The following MAP3K10 variants were observed in gnomAD, a reference collection of about 807,000 sequenced individuals.
The protein encoded by MAP3K10 is mitogen-activated protein kinase kinase kinase 10.
In MAP3K10, 22 loss-of-function variants were observed where a neutral mutation model predicts 75.0. The observed-to-expected ratio is 0.29, with a 90% confidence interval of 0.21 to 0.42. The LOEUF is 0.42. Ranked by LOEUF, MAP3K10 falls within the 10% of genes least tolerant of loss-of-function variation. The pLI is 1.00. For missense variants in MAP3K10, 1,165 were observed against 1,379.8 expected, an observed-to-expected ratio of 0.84 and a Z score of 2.47; for synonymous variants, 599 against 612.9, an observed-to-expected ratio of 0.98 and a Z score of 0.34.
At position 40,212,117 on chromosome 19, in the gene MAP3K10, C is replaced by T. The variant is rs1165591687; in HGVS notation, c.1553-688C>T. Among the ~76,000 whole-genome samples the T allele has an allele frequency of 6.6e-6, 1 of 152,158 alleles. No individual in the cohort carries two copies. Among genetic ancestry groups the T allele is most frequent in the Non-Finnish European group, 1.5e-5 (1 of 68,016 alleles). ...ATCAAATTGACCTTTTTCCCTCTGG[C>T]TGCTGTAAGAAATAAAGGTGGAGAA... On this transcript the variant is annotated intron_variant, in intron 6 of 9. Coordinates refer to ENST00000253055, the MANE Select transcript of MAP3K10 (RefSeq NM_002446.4). The surrounding 1 kb of genome is among the most constrained non-coding windows in gnomAD (Gnocchi z 4.2).
chr19:40,200,166 G>A (rs1423930925), intron 2 of MAP3K10, among the ~76,000 whole-genome samples: 2 of 152,240 alleles, frequency 1.3e-5, no homozygotes, highest in Non-Finnish European at 1.5e-5. Context: ...AGGCATGGTG[G>A]TGGGTGCCTG....
At position 40,191,996 on chromosome 19, in the gene MAP3K10, G is replaced by A. The variant is rs1972823462; in HGVS notation, c.-36G>A. 6.0e-6 allele frequency: 8 copies of A among 1,342,504 alleles called. No individual in the cohort carries two copies. Among genetic ancestry groups the A allele is most frequent in the Non-Finnish European group, 6.8e-6 (7 of 1,030,868 alleles). The allele number at this position is 1,342,504 out of a possible 1,614,324, so 83.2% of individuals were successfully genotyped here. On this transcript the variant is annotated 5_prime_UTR_variant, in exon 1 of 10. In the 5' UTR this introduces an upstream ATG that the reference lacks. Transcript: ENST00000253055. The stretch of plus-strand genomic sequence containing the variant: ...CCTCTGCATCCCGCGGGCAGCCTGT[G>A]TGAAGCGGCCTCCCGCAGCCCCCGG...
At position 40,192,704 on chromosome 19, in the gene MAP3K10, T is replaced by C; in HGVS notation, c.673T>C (p.Ser225Pro). ...GCCCATCATCCACCGGGACCTCAAG[T>C]CCATCAACAGTAAGTGGTGTCCTCT... is the stretch of plus-strand genomic sequence containing the variant. ...PVPIIHRDLKSINILILEAIE... is the reference protein window; with the variant it reads ...PVPIIHRDLKPINILILEAIE... Residue 225 changes from serine to proline, a missense_variant, in exon 1 of 10, where the codon TCC (serine) becomes CCC (proline). Ser to Pro is a moderately conservative substitution (Grantham distance 74). This residue lies in a region of MAP3K10 where 575 missense variants were observed against 793.2 expected (regional missense o/e 0.72). Coordinates refer to ENST00000253055, the MANE Select transcript of MAP3K10 (RefSeq NM_002446.4). The surrounding 1 kb of genome is among the most constrained non-coding windows in gnomAD (Gnocchi z 7.1). The C allele has an allele frequency of 6.5e-7, 1 of 1,541,136 alleles. No individual in the cohort carries two copies. Among genetic ancestry groups the C allele is most frequent in the Non-Finnish European group, 8.8e-7 (1 of 1,142,782 alleles).
At chr19:40,208,362 T>TTTTTTTTTTTTTTTA (rs1568492151) in intron 5 of MAP3K10, among the ~76,000 whole-genome samples, 2 of 116,356 alleles carry the variant, frequency 1.7e-5, no homozygotes, top group African/African-American at 7.0e-5. Flanking sequence ...TTTTTTTTTT[T>TTTTTTTTTTTTTTTA]TTTTTTTGTA....
chr19:40,195,497 TTTTTTTTTTTTG>T (rs1288981501), intron 1 of MAP3K10, among the ~76,000 whole-genome samples: 1 of 95,842 alleles, frequency 1.0e-5, no homozygotes, highest in Non-Finnish European at 2.0e-5. Flanking sequence ...TTTTTTTTTT[TTTTTTTTTTTTG>T]AGACAGAGTC....
chr19:40,197,486 C>T (rs773401854), intron 1 of MAP3K10, among the ~76,000 whole-genome samples: 4 of 152,036 alleles, frequency 2.6e-5, no homozygotes, highest in Non-Finnish European at 4.4e-5. Flanking sequence ...CCATGATGCT[C>T]GGCTAATTTT....
At position 40,198,355 on chromosome 19, in the gene MAP3K10, C is replaced by T; in HGVS notation, c.683-20C>T. On this transcript the variant is annotated intron_variant, in intron 1 of 9. Transcript: ENST00000253055. This position sits in a 1 kb window ranked among gnomAD's most constrained non-coding sequence, Gnocchi z 4.3. ...GGCGTGGCAGGTCTGGGGTGACCCACCTTTCTTCCCACCCCACAGTCCTGA... is the reference window on the plus strand; with the variant it reads ...GGCGTGGCAGGTCTGGGGTGACCCATCTTTCTTCCCACCCCACAGTCCTGA... 1 of 1,599,554 alleles carries T rather than the reference C, an allele frequency of 6.3e-7. No individual in the cohort carries two copies. The highest frequency in any genetic ancestry group is 8.5e-7 in the Non-Finnish European group (1 of 1,171,288).
chr19:40,202,362 T>G (rs1973042543), intron 2 of MAP3K10, among the ~76,000 whole-genome samples: 1 of 152,178 alleles, frequency 6.6e-6, no homozygotes. Context: ...CCATGTTGTT[T>G]TTGTTCCTGC....
At chr19:40,199,938 C>A (rs567525449) in intron 2 of MAP3K10, among the ~76,000 whole-genome samples, 1 of 152,322 alleles carries the variant, frequency 6.6e-6, no homozygotes, top group East Asian at 1.9e-4. Flanking sequence ...GTGGGTGAAT[C>A]CCTTGACACC....
rs147051761 is a variant in MAP3K10 at position 40,209,162 on chromosome 19, G to A, written c.1495G>A (p.Asp499Asn). The change falls in exon 6 of 10, where the codon GAT (aspartate) becomes AAT (asparagine). Residue 499 changes from aspartate to asparagine, a missense_variant. By Grantham distance (23) the Asp-to-Asn change is conservative. Around this residue, in one of 2 missense-constraint regions of MAP3K10, gnomAD observed 575 missense variants for 793.2 expected, o/e 0.72. Transcript: ENST00000253055. ...SPTLDKRKGS[D>N]GASPPASPSI... Reference sequence around the variant, plus strand: ...AACTCTGGATAAGCGGAAAGGATCCGATGGGGCCAGCCCCCCTGCAAGCCC... The same window carrying A: ...AACTCTGGATAAGCGGAAAGGATCCAATGGGGCCAGCCCCCCTGCAAGCCC... 2.5e-5 allele frequency: 41 copies of A among 1,614,206 alleles called. No homozygotes were observed. Among genetic ancestry groups the A allele is most frequent in the African/African-American group, 2.0e-4 (15 of 75,068 alleles).
Position 40,213,015 on chromosome 19 carries a change from C to A in MAP3K10, c.1724+39C>A. On this transcript the variant is annotated intron_variant, in intron 7 of 9. Transcript: ENST00000253055. This position sits in a 1 kb window ranked among gnomAD's most constrained non-coding sequence, Gnocchi z 5.7. ...TGGTCATGCCCACCCTGTGCCCAAG[C>A]CCCAGCTCCCAGGCTCCAGGCCACA... is the stretch of plus-strand genomic sequence containing the variant. 6.3e-7 allele frequency: 1 copy of A among 1,591,582 alleles called. No individual in the cohort carries two copies.
At position 40,208,138 on chromosome 19, in the gene MAP3K10, G is replaced by T. The variant is rs556891776; in HGVS notation, c.1436-965G>T. Among the ~76,000 whole-genome samples the T allele has an allele frequency of 6.6e-5, 10 of 151,980 alleles. No homozygotes were observed. The South Asian group carries it at 2.1e-3, about 32-fold the overall frequency. ...GCTTAAATGTTTCCAATAACCAAATGGAGTACCTGTTTTTTGTTGTTTGTT... is the reference window on the plus strand; with the variant it reads ...GCTTAAATGTTTCCAATAACCAAATTGAGTACCTGTTTTTTGTTGTTTGTT... On this transcript the variant is annotated intron_variant, in intron 5 of 9. Transcript: ENST00000253055.
Position 40,214,175 on chromosome 19 carries a change from G to A in MAP3K10, c.2496G>A (p.Gly832=), listed in dbSNP as rs767010482. 1.4e-5 allele frequency: 21 copies of A among 1,486,294 alleles called. No homozygotes were observed. In the African/African-American group the frequency reaches 2.5e-4, roughly 18 times the overall value. 92.1% of individuals were successfully genotyped at this position (1,486,294 alleles called of 1,614,324 possible). ...SRGHRRTPSD[G]ALGQRGPPEP... is the part of the protein sequence containing the mutation. ...GGCACCGGCGGACGCCATCGGACGG[G>A]GCGCTGGGGCAGCGGGGGCCGCCCG... is the stretch of plus-strand genomic sequence containing the variant. Residue 832 remains glycine (G), a synonymous_variant, in exon 9 of 10, where the codon GGG becomes GGA. Transcript: ENST00000253055.
Position 40,214,040 on chromosome 19 carries a change from CTCGCCCAG to C in MAP3K10, c.2362_2369del (p.Ser788HisfsTer61). 1.3e-6 allele frequency: 2 copies of C among 1,536,276 alleles called. No homozygotes were observed. The highest frequency in any genetic ancestry group is 8.7e-7 in the Non-Finnish European group (1 of 1,147,480). ...CCCCGCCCGCGCCCACACCCACGCC[CTCGCCCAG>C]CACCAACCCCCTGGTGGACCTGGAG... On this transcript the variant is annotated frameshift_variant, in exon 9 of 10. Coordinates refer to ENST00000253055, the MANE Select transcript of MAP3K10 (RefSeq NM_002446.4). LOFTEE classifies it high-confidence loss of function.
At position 40,213,917 on chromosome 19, in the gene MAP3K10, C is replaced by A; in HGVS notation, c.2238C>A (p.Leu746=). The A allele has an allele frequency of 6.6e-7, 1 of 1,520,124 alleles. No individual in the cohort carries two copies. The highest frequency in any genetic ancestry group is 8.8e-7 in the Non-Finnish European group (1 of 1,141,666). 94.2% of individuals were successfully genotyped at this position (1,520,124 alleles called of 1,614,324 possible). A position where few individuals can be genotyped will look rare whatever the true frequency, so the allele number is the denominator to read the frequency against. ...PGLGLAPSAT[L]VSLSSVSDCN... ...TGGGCCTGGCGCCCTCGGCCACCCT[C>A]GTGTCGCTGTCGTCCGTGTCCGACT... Residue 746 remains leucine (L), a synonymous_variant, in exon 9 of 10, where the codon CTC becomes CTA. Coordinates refer to ENST00000253055, the MANE Select transcript of MAP3K10 (RefSeq NM_002446.4). This position sits in a 1 kb window ranked among gnomAD's most constrained non-coding sequence, Gnocchi z 5.7.
chr19:40,208,988 A>T, intron 5 of MAP3K10, 115 bp from the exon 6 acceptor site: 1 of 752,140 alleles, frequency 1.3e-6, no homozygotes, highest in Non-Finnish European at 2.3e-6. Context: ...GCATTAAGGA[A>T]TGAAAAATGG....
At chr19:40,193,243 C>T (rs1468898416) in intron 1 of MAP3K10, among the ~76,000 whole-genome samples, 1 of 152,214 alleles carries the variant, frequency 6.6e-6, no homozygotes, top group Non-Finnish European at 1.5e-5. Flanking sequence ...CTATGACAAC[C>T]AAAAGTGTCT....
At chr19:40,203,299 A>G (rs148182728) in intron 2 of MAP3K10, among the ~76,000 whole-genome samples, 1 of 151,990 alleles carries the variant, frequency 6.6e-6, no homozygotes, top group African/African-American at 2.4e-5. Context: ...AGATCATGCC[A>G]CTGCACTCCA....
chr19:40,207,687 A>G (rs764466481), intron 5 of MAP3K10, among the ~76,000 whole-genome samples: 18 of 152,186 alleles, frequency 1.2e-4, no homozygotes, highest in African/African-American at 1.9e-4. Flanking sequence ...GTGAGCCGAG[A>G]TCGCGCCATT....
Sources: gnomAD v4.1 joint callset for allele counts (sites outside exome capture counted in the v4.1 genomes callset) on GRCh38, gnomAD v4.1.1 for gene constraint, gnomAD v4.1.1 regional missense constraint, Gnocchi (gnomAD v3.1) non-coding constraint, MANE v1.5 for transcripts, NCBI Gene and HGNC (gene_info 2026-07-23, HGNC 2026-07-21) for gene names.